PPL: variants seen among roughly 807,000 people sequenced by gnomAD.
PPL encodes 190 kDa paraneoplastic pemphigus antigen.
PPL carries 198 observed loss-of-function variants against 194.4 expected under a neutral mutation model. The ratio of observed to expected loss-of-function variants is 1.02; its 90% CI spans 0.91 to 1.15. PPL has a LOEUF of 1.15. PPL is among the 50% of genes most tolerant of loss of function. The pLI, the probability that PPL is intolerant of heterozygous loss-of-function variation, is 0.00. For missense variants in PPL, 2,885 were observed against 2,294.8 expected (o/e 1.26, Z -5.25); for synonymous variants, 1,220 against 972.4 (o/e 1.25, Z -4.74).
At chr16:4,908,072 G>C (rs893437716) in intron 2 of PPL, among the ~76,000 whole-genome samples, 1 of 146,632 alleles carries the variant, frequency 6.8e-6, no homozygotes, top group African/African-American at 2.5e-5. Context: ...TGAGGCAGAA[G>C]AATCACTTGA....
chr16:4,929,054 G>T (rs2142426074), intron 1 of PPL, among the ~76,000 whole-genome samples: 1 of 140,222 alleles, frequency 7.1e-6, no homozygotes, highest in African/African-American at 2.6e-5. Flanking sequence ...GATCTGCCGA[G>T]AGTCCTGGAG....
At chr16:4,899,170 G>A (rs200785456) in intron 7 of PPL, 50 bp from the exon 8 acceptor site, 166 of 1,613,462 alleles carry the variant, frequency 1.0e-4, no homozygotes, top group East Asian at 4.7e-4. Context: ...TGGCGGTCCC[G>A]TGCTCCTTCC....
intron 9 of PPL, among the ~76,000 whole-genome samples, 194 bp downstream of exon 9, chr16:4,897,481 T>C (rs1190238085): frequency 6.6e-6 from 1 of 151,838 alleles, no homozygotes; most frequent in African/African-American, 2.4e-5. Context: ...CCCAGGGAAG[T>C]TGGACAGGGG....
chr16:4,885,694 G>C lies in PPL; in HGVS notation c.2961C>G (p.Asp987Glu). Residue 987 changes from aspartate (D) to glutamate (E), a missense_variant, in exon 22 of 22, where the codon GAC (aspartate) becomes GAG (glutamate). Coordinates refer to ENST00000345988, the MANE Select transcript of PPL (RefSeq NM_002705.5). This position sits in a 1 kb window ranked among gnomAD's most constrained non-coding sequence, Gnocchi z 6.3. ...QLRALEQETR[D>E]GGQEYVVKEV... ...CCTTGACCACGTACTCCTGCCCCCC[G>C]TCTCTGGTCTCCTGCTCCAGGGCAC... 6.2e-7 allele frequency: 1 copy of C among 1,613,344 alleles called. No homozygotes were observed. Among genetic ancestry groups the C allele is most frequent in the Non-Finnish European group, 8.5e-7 (1 of 1,179,954 alleles).
chr16:4,931,570 G>A (rs1024848924), intron 1 of PPL, among the ~76,000 whole-genome samples: 10 of 152,296 alleles, frequency 6.6e-5, no homozygotes, highest in Admixed American at 3.9e-4. Context: ...AAGACAGGCC[G>A]GGGCAGGCAG....
intron 19 of PPL, 97 bp downstream of exon 19, chr16:4,888,881 C>T: frequency 8.2e-7 from 1 of 1,223,348 alleles, no homozygotes; most frequent in Non-Finnish European, 1.2e-6. Context: ...AGCTCCACCC[C>T]CATGTGCCAG....
intron 18 of PPL, among the ~76,000 whole-genome samples, 180 bp from the exon 19 acceptor site, chr16:4,889,241 G>GTTGT (rs2088274147): frequency 2.1e-4 from 14 of 66,632 alleles, no homozygotes; most frequent in South Asian, 5.9e-4. Context: ...TGTTGTTGTT[G>GTTGT]TTTTTTTTTT....
intron 20 of PPL, 133 bp from the exon 21 acceptor site, chr16:4,887,360 C>T (rs927036905): frequency 1.0e-5 from 7 of 691,234 alleles, no homozygotes; most frequent in Middle Eastern, 4.0e-4. Context: ...CTTGCCCACT[C>T]CTGCCTGGAG....
At chr16:4,900,081 A>T (rs763923942) in intron 6 of PPL, among the ~76,000 whole-genome samples, 6 of 152,168 alleles carry the variant, frequency 3.9e-5, no homozygotes, top group Non-Finnish European at 7.4e-5. Context: ...CACCACTAAC[A>T]CTAAGGAGCA....
intron 14 of PPL, chr16:4,892,968 A>G (rs1264505130): frequency 1.1e-5 from 5 of 461,400 alleles, no homozygotes; most frequent in Non-Finnish European, 1.9e-5. Flanking sequence ...GTGCCATGCC[A>G]GGCGTCAGAT....
At chr16:4,930,253 G>A (rs2089210146) in intron 1 of PPL, among the ~76,000 whole-genome samples, 1 of 152,288 alleles carries the variant, frequency 6.6e-6, no homozygotes, top group African/African-American at 2.4e-5. Context: ...GTGTGGCTGG[G>A]TCAGGGCCCT....
Position 4,890,296 on chromosome 16 carries a change from T to G in PPL, c.2201A>C (p.His734Pro). ...SLQSAKAAYEHFHRGHDHVLQ... is the reference protein window; with the variant it reads ...SLQSAKAAYEPFHRGHDHVLQ... ...CACGTGGTCATGGCCGCGGTGGAAG[T>G]GCTCGTAGGCTGCCTTGGCGCTCTG... Residue 734 changes from histidine to proline, a missense_variant, in exon 18 of 22, where the codon CAC becomes CCC. Coordinates refer to ENST00000345988, the MANE Select transcript of PPL (RefSeq NM_002705.5). 6.2e-7 allele frequency: 1 copy of G among 1,614,104 alleles called. No homozygotes were observed. The highest frequency in any genetic ancestry group is 8.5e-7 in the Non-Finnish European group (1 of 1,180,016).
Position 4,936,978 on chromosome 16 carries a change from C to G in PPL, c.62+6G>C, listed in dbSNP as rs762717695. ...TCCCGGAGCGGAGCTGTGGGCGCCT[C>G]CTCACCTCCGGGTCTGCACAGTGGG... On this transcript the variant is annotated splice_donor_region_variant and intron_variant, in intron 1 of 21. Transcript: ENST00000345988. 3.1e-6 allele frequency: 5 copies of G among 1,588,224 alleles called. No individual in the cohort carries two copies. Among genetic ancestry groups the G allele is most frequent in the Non-Finnish European group, 4.3e-6 (5 of 1,168,068 alleles).
chr16:4,908,591 G>A (rs2142380546), intron 2 of PPL, among the ~76,000 whole-genome samples: 1 of 152,336 alleles, frequency 6.6e-6, no homozygotes, highest in South Asian at 2.1e-4. Flanking sequence ...AGGCTGGAGT[G>A]CAGTGGTGTC....
chr16:4,897,709 T>C lies in PPL; in HGVS notation c.938A>G (p.Glu313Gly). 6.2e-7 allele frequency: 1 copy of C among 1,613,926 alleles called. No individual in the cohort carries two copies. Among genetic ancestry groups the C allele is most frequent in the South Asian group, 1.1e-5 (1 of 91,062 alleles). Residue 313 changes from glutamate to glycine, a missense_variant, in exon 9 of 22, where the codon GAG becomes GGG. By Grantham distance (98) the Glu-to-Gly change is moderately conservative. Transcript: ENST00000345988. Reference protein sequence around the residue: ...KEYLNLLICEESHLKYMEDYH... With the variant: ...KEYLNLLICEGSHLKYMEDYH... ...GTCCTCCATGTACTTGAGGTGGCTC[T>C]CCTCGCAGATGAGCAGGTTCAGGTA...
chr16:4,901,941 A>AAAATAAATAAATAAAT (rs61188714), intron 4 of PPL, among the ~76,000 whole-genome samples: 41 of 81,920 alleles, frequency 5.0e-4, no homozygotes, highest in African/African-American at 1.1e-3. Context: ...CCTTGTCTCA[A>AAAATAAATAAATAAAT]AAATAAATAA....
intron 1 of PPL, among the ~76,000 whole-genome samples, chr16:4,929,637 CCTT>C (rs2089202935): frequency 1.3e-5 from 2 of 152,290 alleles, no homozygotes; most frequent in Admixed American, 1.3e-4. Flanking sequence ...CTTTCAGGCC[CCTT>C]CTTAGGAGTA....
intron 4 of PPL, 70 bp from the exon 5 acceptor site, chr16:4,901,159 G>T: frequency 6.5e-7 from 1 of 1,548,174 alleles, no homozygotes; most frequent in Non-Finnish European, 8.8e-7. Context: ...GCCACCCCAG[G>T]AGCCTCGGGG....
chr16:4,891,241 G>T (rs73519125), intron 16 of PPL, among the ~76,000 whole-genome samples: 1 of 152,176 alleles, frequency 6.6e-6, no homozygotes, highest in South Asian at 2.1e-4. Flanking sequence ...GTGTGAATAA[G>T]GGGCCTCAGG....
Sources: gnomAD v4.1 joint callset for allele counts (sites outside exome capture counted in the v4.1 genomes callset) on GRCh38, gnomAD v4.1.1 for gene constraint, Gnocchi (gnomAD v3.1) non-coding constraint, MANE v1.5 for transcripts, NCBI Gene and HGNC (gene_info 2026-07-23, HGNC 2026-07-21) for gene names.